Variants in GPC5 observed in about 807,000 individuals in gnomAD.
GPC5 encodes glypican-5.
GPC5 carries 47 observed loss-of-function variants against 53.9 expected under a neutral mutation model. The observed-to-expected ratio is 0.87, with a 90% confidence interval of 0.69 to 1.11. The LOEUF (loss-of-function observed/expected upper bound fraction) is 1.11. GPC5 is among the 50% of genes most tolerant of loss of function. The pLI is 0.00. For synonymous variants in GPC5, 286 were observed against 263.3 expected, an observed-to-expected ratio of 1.09 and a Z score of -0.84; for missense variants, 748 against 713.1, an observed-to-expected ratio of 1.05 and a Z score of -0.56.
intron 2 of GPC5, among the ~76,000 whole-genome samples, chr13:91,667,479 T>C (rs543423941): frequency 6.6e-6 from 1 of 152,200 alleles, no homozygotes; most frequent in East Asian, 1.9e-4. Context: ...CTCAACCAAA[T>C]TCCCAAAGTT....
At chr13:91,401,322 T>G (rs1876936311) in intron 1 of GPC5, among the ~76,000 whole-genome samples, 1 of 151,846 alleles carries the variant, frequency 6.6e-6, no homozygotes, top group Non-Finnish European at 1.5e-5. Context: ...CAATCCCAAA[T>G]TGAGTAAACC....
At chr13:92,415,291 G>A (rs566192142) in intron 7 of GPC5, among the ~76,000 whole-genome samples, 2 of 152,294 alleles carry the variant, frequency 1.3e-5, no homozygotes, top group South Asian at 2.1e-4. Flanking sequence ...TGAATTGGAG[G>A]AAGCCCTGAA....
At position 91,756,318 on chromosome 13, in the gene GPC5, T is replaced by A; in HGVS notation, c.1178T>A (p.Leu393Gln). 1 of 1,552,342 alleles carries A rather than the reference T, an allele frequency of 6.4e-7. No homozygotes were observed. ...AGAGAATTTATCAACAGCCTTCGAC[T>A]GTACAGGTCATTCTATGGAGGTCTA... is the stretch of plus-strand genomic sequence containing the variant. ...RRKEFINSLR[L>Q]YRSFYGGLAD... is the part of the protein sequence containing the mutation. The change falls in exon 5 of 8, where the codon CTG (leucine) becomes CAG (glutamine). Residue 393 changes from leucine (L) to glutamine (Q), a missense_variant. Transcript: ENST00000377067.
chr13:92,588,525 T>C (rs1310349264), intron 7 of GPC5, among the ~76,000 whole-genome samples: 1 of 152,208 alleles, frequency 6.6e-6, no homozygotes, highest in Non-Finnish European at 1.5e-5. Context: ...TAAGCCCTTT[T>C]GAATAGCTCT....
At chr13:92,728,791 C>A (rs1341018057) in intron 7 of GPC5, among the ~76,000 whole-genome samples, 1 of 151,142 alleles carries the variant, frequency 6.6e-6, no homozygotes, top group Non-Finnish European at 1.5e-5. Context: ...GTAATTTTTG[C>A]ATGTTGCATT....
At chr13:91,971,468 A>T (rs1464129609) in intron 6 of GPC5, among the ~76,000 whole-genome samples, 1 of 151,868 alleles carries the variant, frequency 6.6e-6, no homozygotes, top group Non-Finnish European at 1.5e-5. Flanking sequence ...TGTTTCCTTC[A>T]GTTCTGCTCT....
intron 7 of GPC5, among the ~76,000 whole-genome samples, chr13:92,409,164 G>A (rs551092839): frequency 2.7e-4 from 41 of 151,816 alleles, no homozygotes; most frequent in Non-Finnish European, 3.5e-4. Context: ...ATAAATATTA[G>A]TGGAAAATAA....
At chr13:92,699,570 T>G (rs1427185631) in intron 7 of GPC5, among the ~76,000 whole-genome samples, 1 of 152,232 alleles carries the variant, frequency 6.6e-6, no homozygotes, top group African/African-American at 2.4e-5. Flanking sequence ...CATTTAGTAC[T>G]ATAAATTTCC....
intron 7 of GPC5, among the ~76,000 whole-genome samples, chr13:92,604,225 C>A (rs1438623642): frequency 6.6e-6 from 1 of 152,042 alleles, no homozygotes; most frequent in African/African-American, 2.4e-5. Context: ...GAGAACATTT[C>A]TTTTGGATAA....
chr13:92,630,115 GAAAGATTGATTTGAT>G (rs1157507772), intron 7 of GPC5, among the ~76,000 whole-genome samples: 4 of 152,142 alleles, frequency 2.6e-5, no homozygotes, highest in Non-Finnish European at 5.9e-5. Flanking sequence ...TATAGAATGA[GAAAGATTGATTTGAT>G]AAAATATGAC....
chr13:92,368,888 AGG>A (rs2139291420), intron 7 of GPC5, among the ~76,000 whole-genome samples: 1 of 152,178 alleles, frequency 6.6e-6, no homozygotes, highest in South Asian at 2.1e-4. Context: ...TCTAGGGAGA[AGG>A]GTAGTTATTG....
At chr13:92,303,021 A>T (rs2043085822) in intron 7 of GPC5, among the ~76,000 whole-genome samples, 1 of 152,142 alleles carries the variant, frequency 6.6e-6, no homozygotes, top group African/African-American at 2.4e-5. Context: ...TCTAGAATTA[A>T]TTTTTATCTT....
chr13:91,483,229 C>T (rs1313222992), intron 2 of GPC5, among the ~76,000 whole-genome samples: 1 of 152,122 alleles, frequency 6.6e-6, no homozygotes, highest in Non-Finnish European at 1.5e-5. Flanking sequence ...TTCCTCAATA[C>T]CTGATCTTCT....
intron 6 of GPC5, among the ~76,000 whole-genome samples, chr13:91,955,071 AATT>A (rs1207845994): frequency 6.6e-6 from 1 of 152,180 alleles, no homozygotes; most frequent in African/African-American, 2.4e-5. Flanking sequence ...CATTGAGAGG[AATT>A]AAATGAGATC....
At chr13:91,817,769 G>T (rs912283583) in intron 5 of GPC5, among the ~76,000 whole-genome samples, 8 of 152,088 alleles carry the variant, frequency 5.3e-5, no homozygotes. Flanking sequence ...TCATCCCTAA[G>T]CCACCCCAAA....
intron 5 of GPC5, among the ~76,000 whole-genome samples, chr13:91,828,903 T>C (rs1043307173): frequency 3.3e-5 from 5 of 152,006 alleles, no homozygotes; most frequent in African/African-American, 1.2e-4. Context: ...ATAATAATAA[T>C]AATTGCTTCA....
chr13:92,169,472 C>T (rs2042054335), intron 7 of GPC5, among the ~76,000 whole-genome samples: 1 of 152,122 alleles, frequency 6.6e-6, no homozygotes, highest in African/African-American at 2.4e-5. Context: ...CTTAGTCTAC[C>T]TTTTATTTCA....
At chr13:91,817,431 T>C (rs2038417320) in intron 5 of GPC5, among the ~76,000 whole-genome samples, 1 of 152,208 alleles carries the variant, frequency 6.6e-6, no homozygotes, top group Non-Finnish European at 1.5e-5. Flanking sequence ...TGTCTGTAGA[T>C]GGCATCCTTG....
chr13:91,452,039 A>G (rs2139108585), intron 2 of GPC5, among the ~76,000 whole-genome samples: 1 of 152,036 alleles, frequency 6.6e-6, no homozygotes, highest in South Asian at 2.1e-4. Context: ...CCAAAGTGCA[A>G]TGGTGTGATC....
Sources: allele counts gnomAD v4.1 joint callset (sites outside exome capture counted in the v4.1 genomes callset), GRCh38; gene constraint gnomAD v4.1.1; transcripts MANE v1.5; gene names NCBI Gene and HGNC (gene_info 2026-07-23, HGNC 2026-07-21).